TRIM33: variants seen among roughly 807,000 people sequenced by gnomAD.
TRIM33 encodes tripartite motif containing 33.
Under a neutral mutation model 125.4 loss-of-function variants are expected in TRIM33, and 20 were observed. The observed-to-expected ratio is 0.16, with a 90% CI of 0.11 to 0.23. The LOEUF (loss-of-function observed/expected upper bound fraction) is 0.23. Ranked by LOEUF, TRIM33 falls within the 10% of genes least tolerant of loss-of-function variation. The probability of loss-of-function intolerance (pLI) is 1.00; values close to 1 mark genes in which losing one functional copy is unlikely to be tolerated. For missense variants in TRIM33, 920 were observed against 1,411.4 expected (o/e 0.65, Z 5.58); for synonymous variants, 564 against 513.9 (o/e 1.10, Z -1.32).
chr1:114,411,620 T>TTAC (rs1311408327), intron 11 of TRIM33, among the ~76,000 whole-genome samples: 2 of 152,214 alleles, frequency 1.3e-5, no homozygotes, highest in African/African-American at 4.8e-5. Context: ...AAATCCCATG[T>TTAC]TACCTATTTC....
At chr1:114,420,226 G>C (rs1653193272) in intron 11 of TRIM33, among the ~76,000 whole-genome samples, 1 of 152,166 alleles carries the variant, frequency 6.6e-6, no homozygotes, top group Non-Finnish European at 1.5e-5. Flanking sequence ...CTCACTCAAA[G>C]GTCCTTCACA....
chr1:114,402,405 G>A (rs1204025226), intron 16 of TRIM33, among the ~76,000 whole-genome samples: 3 of 152,146 alleles, frequency 2.0e-5, no homozygotes, highest in Non-Finnish European at 2.9e-5. Flanking sequence ...ATTTCTAATA[G>A]GTTTCTAACC....
At chr1:114,404,079 A>C (rs2101091500) in intron 15 of TRIM33, among the ~76,000 whole-genome samples, 1 of 152,334 alleles carries the variant, frequency 6.6e-6, no homozygotes, top group African/African-American at 2.4e-5. Flanking sequence ...ATACATGGAG[A>C]TATATAGAGA....
chr1:114,402,560 T>C (rs1225507622), intron 16 of TRIM33, among the ~76,000 whole-genome samples, 200 bp downstream of exon 16: 1 of 152,048 alleles, frequency 6.6e-6, no homozygotes, highest in Non-Finnish European at 1.5e-5. Flanking sequence ...ATGTTAAGTT[T>C]GAGGAATCTG....
rs3077592 is a variant in TRIM33, at chr1:114,414,027, GCACACACACACA to G, written c.2062-3723_2062-3712del. Among the ~76,000 whole-genome samples the G allele has an allele frequency of 6.2e-3, 807 of 130,682 alleles. 2 individuals carry two copies. Among genetic ancestry groups the G allele is most frequent in the Non-Finnish European group, 8.3e-3 (514 of 62,254 alleles). The allele number at this position is 130,682 out of a possible 152,430, so 85.7% of individuals were successfully genotyped here. A position where few individuals can be genotyped will look rare whatever the true frequency, so the allele number is the denominator to read the frequency against. Reference sequence around the variant, plus strand: ...CAAAATAAACCAAAATAAATCACAGGCACACACACACACACACACACACACACACACACACAC... The same window carrying G: ...CAAAATAAACCAAAATAAATCACAGGCACACACACACACACACACACACAC... On this transcript the variant is annotated intron_variant, in intron 11 of 19. Transcript: ENST00000358465.
At chr1:114,399,846 T>C (rs1423349594) in intron 17 of TRIM33, among the ~76,000 whole-genome samples, 1 of 152,136 alleles carries the variant, frequency 6.6e-6, no homozygotes, top group Non-Finnish European at 1.5e-5. Flanking sequence ...ATAATAAGAT[T>C]TGGAAAGAAA....
intron 4 of TRIM33, among the ~76,000 whole-genome samples, chr1:114,436,516 A>G (rs1648315204): frequency 6.6e-6 from 1 of 151,158 alleles, no homozygotes; most frequent in African/African-American, 2.4e-5. Context: ...TCCAGGCTGG[A>G]GTGCAGTGGC....
intron 1 of TRIM33, chr1:114,468,805 GC>G: frequency 2.9e-6 from 1 of 346,174 alleles, no homozygotes; most frequent in Non-Finnish European, 5.6e-6. Context: ...AATCATACAG[GC>G]CCTGCTAGGG....
chr1:114,402,108 C>CA (rs1360189716), intron 16 of TRIM33, among the ~76,000 whole-genome samples: 1 of 152,084 alleles, frequency 6.6e-6, no homozygotes, highest in Admixed American at 6.5e-5. Flanking sequence ...CACGACAATG[C>CA]AAAAGAGTCT....
intron 4 of TRIM33, among the ~76,000 whole-genome samples, chr1:114,444,977 T>C (rs994719826): frequency 6.6e-6 from 1 of 151,958 alleles, no homozygotes; most frequent in Non-Finnish European, 1.5e-5. Flanking sequence ...AACAGATAGA[T>C]GGAAACTACT....
chr1:114,413,220 C>T (rs1184098886), intron 11 of TRIM33, among the ~76,000 whole-genome samples: 2 of 152,160 alleles, frequency 1.3e-5, no homozygotes, highest in South Asian at 4.1e-4. Context: ...AAATGGAATA[C>T]CATATGGATT....
At chr1:114,448,836 A>G (rs1649148420) in intron 4 of TRIM33, among the ~76,000 whole-genome samples, 1 of 152,328 alleles carries the variant, frequency 6.6e-6, no homozygotes, top group Non-Finnish European at 1.5e-5. Flanking sequence ...GGAATGCTTA[A>G]AATTGAATAG....
intron 18 of TRIM33, among the ~76,000 whole-genome samples, chr1:114,398,201 A>G (rs1651660616): frequency 6.6e-6 from 1 of 152,182 alleles, no homozygotes; most frequent in South Asian, 2.1e-4. Flanking sequence ...AACCTCAGTA[A>G]TTGTCTTATT....
In TRIM33 at chr1:114,468,569, CAAAA is replaced by C. The variant is rs764146078; in HGVS notation, c.527-4185_527-4182del. 224 of 387,330 alleles carry C rather than the reference CAAAA, an allele frequency of 5.8e-4. 2 individuals are homozygous for C. The highest frequency in any genetic ancestry group is 1.5e-4 in the Non-Finnish European group (29 of 199,544). 24.0% of individuals were successfully genotyped at this position (387,330 alleles called of 1,614,324 possible). ...ATCAAAAGAAAAGAAAAGAAAAAAA[CAAAA>C]AAGATGTTTGATACTGATGAAGCTG... On this transcript the variant is annotated intron_variant, in intron 1 of 19. Coordinates refer to ENST00000358465, the MANE Select transcript of TRIM33 (RefSeq NM_015906.4).
chr1:114,493,067 TTG>T (rs1391793852), intron 1 of TRIM33, among the ~76,000 whole-genome samples: 3 of 152,178 alleles, frequency 2.0e-5, no homozygotes, highest in African/African-American at 7.2e-5. Flanking sequence ...TGCCAACACT[TTG>T]TTGTTTTTTA....
chr1:114,442,542 GC>G (rs1349195148), intron 4 of TRIM33, among the ~76,000 whole-genome samples: 3 of 151,826 alleles, frequency 2.0e-5, no homozygotes, highest in Non-Finnish European at 4.4e-5. Context: ...ACAAAAATTA[GC>G]CGAACGTGGT....
At chr1:114,454,338 A>G (rs561561961) in intron 4 of TRIM33, among the ~76,000 whole-genome samples, 6 of 152,248 alleles carry the variant, frequency 3.9e-5, no homozygotes, top group African/African-American at 1.4e-4. Flanking sequence ...GAAATGGTAG[A>G]CCCAATTCCA....
At chr1:114,422,723 C>A (rs1647281730) in intron 10 of TRIM33, among the ~76,000 whole-genome samples, 1 of 151,074 alleles carries the variant, frequency 6.6e-6, no homozygotes, top group South Asian at 2.1e-4. Flanking sequence ...GACTCCAAAA[C>A]CTGGGTAACA....
intron 1 of TRIM33, among the ~76,000 whole-genome samples, chr1:114,510,249 T>G (rs1019355000): frequency 1.3e-5 from 2 of 152,146 alleles, no homozygotes; most frequent in African/African-American, 4.8e-5. Context: ...CTTCTCTCAC[T>G]GTACGGGTCT....
Sources: allele counts gnomAD v4.1 joint callset (sites outside exome capture counted in the v4.1 genomes callset), GRCh38; gene constraint gnomAD v4.1.1; transcripts MANE v1.5; gene names NCBI Gene and HGNC (gene_info 2026-07-23, HGNC 2026-07-21).